The following NAV3 variants were observed in gnomAD, a reference collection of about 807,000 sequenced individuals.
NAV3 encodes neuron navigator 3, also known as pore membrane and/or filament interacting like protein 1.
Under a neutral mutation model 244.7 loss-of-function variants are expected in NAV3, and 87 were observed. That is an observed-to-expected ratio of 0.36 (90% confidence interval 0.30 to 0.42). The LOEUF is 0.42. Among genes scored for constraint, NAV3 ranks in the 20% least tolerant of loss-of-function variants. The probability of loss-of-function intolerance (pLI) is 1.00; values close to 1 mark genes in which losing one functional copy is unlikely to be tolerated. For synonymous variants in NAV3, 1,126 were observed against 1,042.2 expected, an observed-to-expected ratio of 1.08 and a Z score of -1.55; for missense variants, 2,663 against 2,893.3, an observed-to-expected ratio of 0.92 and a Z score of 1.83.
intron 1 of NAV3, among the ~76,000 whole-genome samples, chr12:77,926,726 T>A (rs1306541773): frequency 6.6e-6 from 1 of 152,166 alleles, no homozygotes; most frequent in Non-Finnish European, 1.5e-5. Context: ...TCGGATTCAA[T>A]AGATCTAGGA....
intron 1 of NAV3, among the ~76,000 whole-genome samples, chr12:77,848,352 A>G (rs1876972546): frequency 1.3e-5 from 2 of 152,330 alleles, no homozygotes; most frequent in South Asian, 4.1e-4. Flanking sequence ...GTGTAACTTT[A>G]TAAATAGAAA....
chr12:77,852,762 A>C (rs1206504054), intron 1 of NAV3, among the ~76,000 whole-genome samples: 1 of 152,200 alleles, frequency 6.6e-6, no homozygotes, highest in African/African-American at 2.4e-5. Context: ...AGAATAGGAA[A>C]CAGACATTTA....
intron 9 of NAV3, among the ~76,000 whole-genome samples, chr12:78,030,940 T>A (rs1878872308): frequency 6.6e-6 from 1 of 152,188 alleles, no homozygotes; most frequent in African/African-American, 2.4e-5. Flanking sequence ...TCTCCTAAAC[T>A]TACTGAGGTT....
At chr12:77,975,306 C>T (rs1350030292) in intron 5 of NAV3, among the ~76,000 whole-genome samples, 1 of 152,110 alleles carries the variant, frequency 6.6e-6, no homozygotes, top group Non-Finnish European at 1.5e-5. Context: ...ATGTTCTAGA[C>T]AATCTTCTAG....
intron 2 of NAV3, among the ~76,000 whole-genome samples, chr12:77,662,613 A>AT (rs1163891730): frequency 6.6e-6 from 1 of 152,020 alleles, no homozygotes; most frequent in Non-Finnish European, 1.5e-5. Context: ...GAGAGAATGG[A>AT]TTTTTGCGTA....
At chr12:77,690,676 A>AG (rs1487477238) in intron 2 of NAV3, among the ~76,000 whole-genome samples, 19 of 150,808 alleles carry the variant, frequency 1.3e-4, no homozygotes, top group Non-Finnish European at 2.4e-4. Flanking sequence ...GATTTTCTAG[A>AG]GCCTCAGTTT....
At chr12:78,188,099 C>T (rs1012709621) in intron 31 of NAV3, 149 bp from the exon 32 acceptor site, 16 of 589,496 alleles carry the variant, frequency 2.7e-5, no homozygotes, top group East Asian at 5.8e-5. Context: ...TTATATAATC[C>T]ACCATGTGTG....
At chr12:78,000,099 G>A (rs190304203) in intron 7 of NAV3, among the ~76,000 whole-genome samples, 89 of 152,086 alleles carry the variant, frequency 5.9e-4, no homozygotes, top group African/African-American at 1.6e-3. Context: ...ACTTATTTCT[G>A]GCATCTATTA....
At chr12:78,107,685 C>T (rs1054910287) in intron 12 of NAV3, among the ~76,000 whole-genome samples, 4 of 151,944 alleles carry the variant, frequency 2.6e-5, no homozygotes, top group Non-Finnish European at 4.4e-5. Flanking sequence ...TAAAAGGTTT[C>T]CCAGACACGA....
At chr12:77,759,083 C>T (rs1045886157) in intron 2 of NAV3, among the ~76,000 whole-genome samples, 1 of 152,236 alleles carries the variant, frequency 6.6e-6, no homozygotes, top group African/African-American at 2.4e-5. Context: ...CACAGTCCCA[C>T]TGCACCCTGC....
intron 2 of NAV3, among the ~76,000 whole-genome samples, chr12:77,796,309 A>G (rs999817699): frequency 6.6e-6 from 1 of 152,194 alleles, no homozygotes; most frequent in Non-Finnish European, 1.5e-5. Flanking sequence ...AAATAACTGC[A>G]GTTGTGGTGG....
chr12:78,049,327 C>G (rs1291119029), intron 9 of NAV3, among the ~76,000 whole-genome samples: 1 of 152,078 alleles, frequency 6.6e-6, no homozygotes, highest in Non-Finnish European at 1.5e-5. Flanking sequence ...GAAACTCAGG[C>G]CCTTGGTGGT....
chr12:77,810,299 G>C (rs886859728), intron 2 of NAV3, among the ~76,000 whole-genome samples: 4 of 152,118 alleles, frequency 2.6e-5, no homozygotes, highest in African/African-American at 9.7e-5. Context: ...AGCCTCCCGA[G>C]TAGCTGGGAC....
At chr12:77,574,634 A>G (rs775611657) in intron 2 of NAV3, among the ~76,000 whole-genome samples, 1 of 152,126 alleles carries the variant, frequency 6.6e-6, no homozygotes, top group African/African-American at 2.4e-5. Flanking sequence ...TCATCTTCTC[A>G]TGGTGTTTGG....
At chr12:78,174,855 T>C (rs1215543367) in intron 24 of NAV3, among the ~76,000 whole-genome samples, 1 of 152,028 alleles carries the variant, frequency 6.6e-6, no homozygotes, top group African/African-American at 2.4e-5. Flanking sequence ...GGTATGATTC[T>C]ATGAAATGGA....
intron 2 of NAV3, chr12:77,783,413 T>C (rs1870763593): frequency 6.6e-6 from 1 of 151,950 alleles, no homozygotes; most frequent in Non-Finnish European, 1.5e-5. Context: ...CAAGCAGAAG[T>C]TCACTTAAGT....
intron 12 of NAV3, among the ~76,000 whole-genome samples, chr12:78,095,717 T>C (rs1196656446): frequency 1.3e-5 from 2 of 152,272 alleles, no homozygotes; most frequent in South Asian, 2.1e-4. Flanking sequence ...GTTGAGCTTG[T>C]TGGCCAGTTG....
chr12:77,892,662 A>G (rs983670045), intron 1 of NAV3, among the ~76,000 whole-genome samples: 3 of 152,068 alleles, frequency 2.0e-5, no homozygotes, highest in African/African-American at 7.2e-5. Flanking sequence ...TGATCCACCC[A>G]CCTTGGCCTC....
At chr12:77,956,534 G>A (rs926091626) in intron 3 of NAV3, among the ~76,000 whole-genome samples, 3 of 152,084 alleles carry the variant, frequency 2.0e-5, no homozygotes, top group African/African-American at 7.2e-5. Context: ...TTGTAGCAGG[G>A]TTTGAGTCCA....
Sources: gnomAD v4.1 joint callset for allele counts (sites outside exome capture counted in the v4.1 genomes callset) on GRCh38, gnomAD v4.1.1 for gene constraint, MANE v1.5 for transcripts, NCBI Gene and HGNC (gene_info 2026-07-23, HGNC 2026-07-21) for gene names.